CNGB3: variants seen among roughly 807,000 people sequenced by gnomAD.
CNGB3 encodes cyclic nucleotide-gated channel beta-3.
Under a neutral mutation model 92.8 loss-of-function variants are expected in CNGB3, and 86 were observed. That is an observed-to-expected ratio of 0.93 (90% confidence interval 0.78 to 1.11). CNGB3 has a LOEUF of 1.11. Among genes scored for constraint, CNGB3 ranks in the 50% least tolerant of loss-of-function variants. The pLI is 0.00. For synonymous variants in CNGB3, 333 were observed against 332.7 expected (o/e 1.00, Z -0.01); for missense variants, 1,026 against 956.8 (o/e 1.07, Z -0.95).
intron 6 of CNGB3, chr8:86,657,706 T>C: frequency 4.4e-6 from 2 of 458,196 alleles, no homozygotes; most frequent in Non-Finnish European, 8.8e-6. Context: ...TTGTTGTGGT[T>C]GCCCACAAGC....
At chr8:86,739,850 G>A in intron 1 of CNGB3, 114 bp from the exon 2 acceptor site, 1 of 1,187,622 alleles carries the variant, frequency 8.4e-7, no homozygotes, top group South Asian at 1.3e-5. Context: ...AAAATTGACT[G>A]TTTATGATGT....
intron 10 of CNGB3, among the ~76,000 whole-genome samples, chr8:86,640,939 GCCTTCC>G (rs1336507601): frequency 6.6e-6 from 1 of 152,030 alleles, no homozygotes; most frequent in Non-Finnish European, 1.5e-5. Context: ...CTACTGGGCT[GCCTTCC>G]CAGGAGGTTA....
rs932823194 is a variant in CNGB3 at position 86,579,213 on chromosome 8, A to G, written c.1821T>C (p.Asn607=). 1 of 1,614,214 alleles carries G rather than the reference A, an allele frequency of 6.2e-7. No individual in the cohort carries two copies. Among genetic ancestry groups the G allele is most frequent in the Admixed American group, 1.7e-5 (1 of 60,028 alleles). Residue 607 remains asparagine (N), a synonymous_variant, in exon 16 of 18, where the codon AAT becomes AAC. Coordinates refer to ENST00000320005, the MANE Select transcript of CNGB3 (RefSeq NM_019098.5). ...GATTGGCAAACCCGTGGGCCACCACATTGGCAGTTCGACGGTTTCCTCCTC... is the reference window on the plus strand; with the variant it reads ...GATTGGCAAACCCGTGGGCCACCACGTTGGCAGTTCGACGGTTTCCTCCTC... ...AAGGGNRRTA[N]VVAHGFANLL... is the part of the protein sequence containing the mutation.
intron 2 of CNGB3, among the ~76,000 whole-genome samples, chr8:86,734,312 A>T (rs966210105): frequency 6.6e-6 from 1 of 152,124 alleles, no homozygotes; most frequent in Non-Finnish European, 1.5e-5. Flanking sequence ...TAGATCTGGA[A>T]TTGTGCTAGA....
chr8:86,635,861 T>TATATACAC (rs796498363), intron 10 of CNGB3, among the ~76,000 whole-genome samples: 28 of 66,224 alleles, frequency 4.2e-4, no homozygotes, highest in Non-Finnish European at 5.7e-4. Flanking sequence ...TATATATATA[T>TATATACAC]ATACACATAC....
rs145770907 is a variant in CNGB3 at position 86,728,570 on chromosome 8, C to T, written c.212-1913G>A. Among the ~76,000 whole-genome samples the T allele has an allele frequency of 1.7e-3, 254 of 152,242 alleles. 1 individual carries two copies. Among genetic ancestry groups the T allele is most frequent in the South Asian group, 4.4e-3 (21 of 4,812 alleles). On this transcript the variant is annotated intron_variant, in intron 2 of 17. Coordinates refer to ENST00000320005, the MANE Select transcript of CNGB3 (RefSeq NM_019098.5). ...GCAGCCTAATCCTTTTTTGTATCCA[C>T]AAACACTTGGACAATTACTGTATGA...
chr8:86,587,501 A>G (rs1472483612), intron 15 of CNGB3, among the ~76,000 whole-genome samples: 1 of 152,074 alleles, frequency 6.6e-6, no homozygotes, highest in Non-Finnish European at 1.5e-5. Context: ...ATCCATATTG[A>G]ATTGATTTTT....
chr8:86,738,714 C>G (rs1341739246), intron 2 of CNGB3, among the ~76,000 whole-genome samples: 1 of 151,984 alleles, frequency 6.6e-6, no homozygotes, highest in Non-Finnish European at 1.5e-5. Context: ...TGGTGTGCAC[C>G]TGTAGTCCCA....
chr8:86,646,354 G>C (rs1464265506), intron 8 of CNGB3, among the ~76,000 whole-genome samples: 1 of 150,084 alleles, frequency 6.7e-6, no homozygotes. Context: ...TTAAATATCA[G>C]AGCAGAGAAA....
chr8:86,712,277 G>A (rs1824764402), intron 3 of CNGB3, among the ~76,000 whole-genome samples: 1 of 151,960 alleles, frequency 6.6e-6, no homozygotes, highest in Non-Finnish European at 1.5e-5. Context: ...GATTTGTTTT[G>A]TAATGCAAAG....
chr8:86,670,411 A>T lies in CNGB3; in HGVS notation c.493+533T>A, dbSNP rs16916670. The stretch of plus-strand genomic sequence containing the variant: ...GAGGCTTCCCTGCATCTGTCGGAGG[A>T]TTTCCTCTAGCAGGTTTACTGAAAG... On this transcript the variant is annotated intron_variant, in intron 4 of 17. Coordinates refer to ENST00000320005, the MANE Select transcript of CNGB3 (RefSeq NM_019098.5). Among the ~76,000 whole-genome samples the T allele has an allele frequency of 9.9e-4, 151 of 152,132 alleles. 3 individuals carry two copies. In the South Asian group the frequency reaches 0.03, roughly 30 times the overall value.
intron 2 of CNGB3, among the ~76,000 whole-genome samples, chr8:86,729,709 C>T (rs1825126896): frequency 6.6e-6 from 1 of 152,196 alleles, no homozygotes; most frequent in Non-Finnish European, 1.5e-5. Context: ...TTTATCCATG[C>T]AACATGTTAT....
chr8:86,684,320 G>A (rs1191961030), intron 3 of CNGB3, among the ~76,000 whole-genome samples: 5 of 152,092 alleles, frequency 3.3e-5, no homozygotes, highest in Non-Finnish European at 4.4e-5. Context: ...TATCAGAATG[G>A]CTAAAATAAA....
chr8:86,585,373 G>T (rs1480522231), intron 15 of CNGB3, among the ~76,000 whole-genome samples: 1 of 151,782 alleles, frequency 6.6e-6, no homozygotes. Flanking sequence ...GATAGTCCCT[G>T]GTCAGTCATC....
intron 17 of CNGB3, among the ~76,000 whole-genome samples, chr8:86,577,432 C>T (rs996034013): frequency 3.3e-5 from 5 of 152,094 alleles, no homozygotes; most frequent in Admixed American, 1.3e-4. Context: ...ATATGTATGT[C>T]TGTATATATA....
intron 13 of CNGB3, among the ~76,000 whole-genome samples, chr8:86,623,621 A>G (rs771603746): frequency 4.6e-5 from 7 of 152,182 alleles, no homozygotes; most frequent in Non-Finnish European, 1.0e-4. Flanking sequence ...AAAAGGCCAC[A>G]TGTCTTCATG....
intron 15 of CNGB3, among the ~76,000 whole-genome samples, chr8:86,581,779 G>GA (rs1407987308): frequency 6.6e-6 from 1 of 152,076 alleles, no homozygotes; most frequent in Non-Finnish European, 1.5e-5. Flanking sequence ...AATTACAGCT[G>GA]AAACAGCAGC....
chr8:86,669,886 C>G (rs1390403903), intron 4 of CNGB3, among the ~76,000 whole-genome samples: 1 of 150,534 alleles, frequency 6.6e-6, no homozygotes, highest in Middle Eastern at 3.2e-3. Context: ...GAGTCTTGCT[C>G]TGTTGCCAGG....
At chr8:86,630,363 T>G (rs1822939057) in intron 11 of CNGB3, among the ~76,000 whole-genome samples, 1 of 152,212 alleles carries the variant, frequency 6.6e-6, no homozygotes, top group Non-Finnish European at 1.5e-5. Context: ...GCATTATTGA[T>G]TGCTGTTGAG....
Sources: gnomAD v4.1 joint callset for allele counts (sites outside exome capture counted in the v4.1 genomes callset) on GRCh38, gnomAD v4.1.1 for gene constraint, MANE v1.5 for transcripts, NCBI Gene and HGNC (gene_info 2026-07-23, HGNC 2026-07-21) for gene names.